C3orf18: variants seen among roughly 807,000 people sequenced by gnomAD.
C3orf18 encodes chromosome 3 open reading frame 18.
A neutral mutation model predicts 14.1 loss-of-function variants in C3orf18; 12 were observed. That is an observed-to-expected ratio of 0.85 (90% CI 0.55 to 1.38). The LOEUF is 1.38. Ranked by LOEUF, C3orf18 falls within the 40% of genes most tolerant of loss-of-function variation. The probability of loss-of-function intolerance (pLI) is 0.00; values close to 1 mark genes in which losing one functional copy is unlikely to be tolerated. For missense variants in C3orf18, 196 were observed against 213.9 expected (o/e 0.92, Z 0.52); for synonymous variants, 82 against 87.9 (o/e 0.93, Z 0.38).
In C3orf18 at chr3:50,565,786, G is replaced by T; in HGVS notation, c.-87C>A. The T allele has an allele frequency of 9.4e-7, 1 of 1,069,176 alleles. No homozygotes were observed. The highest frequency in any genetic ancestry group is 1.3e-6 in the Non-Finnish European group (1 of 743,670). The allele number at this position is 1,069,176 out of a possible 1,614,324, so 66.2% of individuals were successfully genotyped here. ...TCCTGACTCCGGAGTGCCCCAGCCT[G>T]TGGTTCCTGCCACCTGTGGTGGCCA... is the stretch of plus-strand genomic sequence containing the variant. On this transcript the variant is annotated 5_prime_UTR_variant, in exon 3 of 6. Coordinates refer to ENST00000357203, the MANE Select transcript of C3orf18 (RefSeq NM_016210.5). This position sits in a 1 kb window ranked among gnomAD's most constrained non-coding sequence, Gnocchi z 4.4.
At chr3:50,572,297 G>A, upstream of C3orf18, 2 of 1,466,290 alleles carry the variant, frequency 1.4e-6, no homozygotes, top group Non-Finnish European at 1.9e-6. Flanking sequence ...AGGGGGCACT[G>A]GGGCCCCATG....
At position 50,565,418 on chromosome 3, in the gene C3orf18, A is replaced by G. The variant is rs1700231319; in HGVS notation, c.234+48T>C. ...TGTCTTCTGATTGATTAGGTTCTCT[A>G]TAAATCTAAACACTGATTATCCTCC... On this transcript the variant is annotated intron_variant, in intron 3 of 5. Transcript: ENST00000357203. The surrounding 1 kb of genome is among the most constrained non-coding windows in gnomAD (Gnocchi z 4.4). 3 of 1,377,750 alleles carry G rather than the reference A, an allele frequency of 2.2e-6. No homozygotes were observed. Among genetic ancestry groups the G allele is most frequent in the Non-Finnish European group, 3.1e-6 (3 of 975,660 alleles). The allele number at this position is 1,377,750 out of a possible 1,614,324, so 85.3% of individuals were successfully genotyped here.
Position 50,558,538 on chromosome 3 carries a change from T to G in C3orf18, c.*1119A>C. On this transcript the variant is annotated 3_prime_UTR_variant, in exon 6 of 6. Coordinates refer to ENST00000357203, the MANE Select transcript of C3orf18 (RefSeq NM_016210.5). ...GTGGGGAATTCAAACATAGACTAAG[T>G]TTTTTAGATGTTTTTCTGAAGTGCA... 1 of 443,756 alleles carries G rather than the reference T, an allele frequency of 2.3e-6. No individual in the cohort carries two copies. Among genetic ancestry groups the G allele is most frequent in the South Asian group, 2.0e-5 (1 of 49,258 alleles). 27.5% of individuals were successfully genotyped at this position (443,756 alleles called of 1,614,324 possible).
intron 3 of C3orf18, among the ~76,000 whole-genome samples, chr3:50,564,359 C>T (rs140656458): frequency 2.4e-4 from 37 of 152,336 alleles, no homozygotes; most frequent in African/African-American, 8.4e-4. Context: ...TAGGGACTGA[C>T]ACCAGATCAA....
intron 5 of C3orf18, 38 bp from the exon 6 acceptor site, chr3:50,559,775 CAAGG>C: frequency 7.0e-7 from 1 of 1,421,924 alleles, no homozygotes; most frequent in Non-Finnish European, 9.6e-7. Context: ...AGACCATGGG[CAAGG>C]CCATGCACTC....
upstream of C3orf18, chr3:50,569,342 G>A (rs1338474688): frequency 1.4e-4 from 21 of 152,334 alleles, no homozygotes; most frequent in Admixed American, 1.3e-3. Context: ...TGCGAGCGTA[G>A]AGGGAGTGGA....
At chr3:50,571,734 T>A, upstream of C3orf18, 1 of 1,614,184 alleles carries the variant, frequency 6.2e-7, no homozygotes, top group Non-Finnish European at 8.5e-7. Context: ...GCCGGCACTT[T>A]GGACCCAGCC....
At chr3:50,564,094 C>G (rs1700147147) in intron 3 of C3orf18, among the ~76,000 whole-genome samples, 1 of 152,246 alleles carries the variant, frequency 6.6e-6, no homozygotes. Flanking sequence ...TATGGCAACC[C>G]TGGTTTAACA....
upstream of C3orf18, chr3:50,572,180 C>T (rs768223843): frequency 2.5e-6 from 4 of 1,613,848 alleles, no homozygotes. Context: ...ATGGTGCCCC[C>T]AGTGTTTATT....
upstream of C3orf18, chr3:50,571,823 C>G (rs1161429229): frequency 6.2e-7 from 1 of 1,604,328 alleles, no homozygotes; most frequent in Non-Finnish European, 8.5e-7. Flanking sequence ...TGGATCAGAC[C>G]TGAAGGATGT....
chr3:50,567,981 G>A (rs1700469172), upstream of C3orf18, among the ~76,000 whole-genome samples: 1 of 152,276 alleles, frequency 6.6e-6, no homozygotes, highest in South Asian at 2.1e-4. Context: ...ACCCCTGCCA[G>A]CTACCCGTGC....
chr3:50,560,059 G>A (rs1699872595), intron 5 of C3orf18, among the ~76,000 whole-genome samples: 1 of 152,238 alleles, frequency 6.6e-6, no homozygotes, highest in African/African-American at 2.4e-5. Flanking sequence ...AGGAACATGG[G>A]AAACAAGTAT....
In C3orf18 at chr3:50,560,956, A is replaced by G. The variant is rs1252943971; in HGVS notation, c.369T>C (p.Ser123=). The G allele has an allele frequency of 6.2e-7, 1 of 1,614,074 alleles. No individual in the cohort carries two copies. The highest frequency in any genetic ancestry group is 1.7e-5 in the Admixed American group (1 of 60,030). The change falls in exon 5 of 6, where the codon TCT becomes TCC. Residue 123 remains serine (S), a synonymous_variant. Transcript: ENST00000357203. ...ELLEHGRDAA[S]VQAATSVQAM... ...CCTGCACAGAAGTAGCAGCCTGTAC[A>G]GAGGCGGCGTCCCGCCCATGCTCCA...
At chr3:50,562,581 C>A (rs1397955570) in intron 3 of C3orf18, 2 of 455,948 alleles carry the variant, frequency 4.4e-6, no homozygotes, top group Non-Finnish European at 8.8e-6. Context: ...CATACTGACA[C>A]CCCGTCTCTA....
rs1411254985 is a variant in C3orf18 at position 50,559,072 on chromosome 3, CG to C, written c.*584del. On this transcript the variant is annotated 3_prime_UTR_variant, in exon 6 of 6. Transcript: ENST00000357203. ...TGGCTGGGAGACCTCCTGGACCCTC[CG>C]TAGTATGGATGGACCCTGGGTGTGA... The C allele has an allele frequency of 7.8e-7, 1 of 1,289,792 alleles. No homozygotes were observed. The highest frequency in any genetic ancestry group is 1.0e-6 in the Non-Finnish European group (1 of 988,858). 79.9% of individuals were successfully genotyped at this position (1,289,792 alleles called of 1,614,324 possible).
intron 3 of C3orf18, among the ~76,000 whole-genome samples, chr3:50,564,670 G>A (rs1700176810): frequency 6.6e-6 from 1 of 152,160 alleles, no homozygotes; most frequent in African/African-American, 2.4e-5. Flanking sequence ...CCTCTATTGG[G>A]TTCCAAAGGC....
At position 50,565,775 on chromosome 3, in the gene C3orf18, T is replaced by TGA; in HGVS notation, c.-77_-76insTC. On this transcript the variant is annotated 5_prime_UTR_variant, in exon 3 of 6. Coordinates refer to ENST00000357203, the MANE Select transcript of C3orf18 (RefSeq NM_016210.5). The surrounding 1 kb of genome is among the most constrained non-coding windows in gnomAD (Gnocchi z 4.4). ...TGCCCACTCACTCCTGACTCCGGAGTGCCCCAGCCTGTGGTTCCTGCCACC... is the reference window on the plus strand; with the variant it reads ...TGCCCACTCACTCCTGACTCCGGAGTGAGCCCCAGCCTGTGGTTCCTGCCACC... 1 of 1,180,712 alleles carries TGA rather than the reference T, an allele frequency of 8.5e-7. No individual in the cohort carries two copies. Among genetic ancestry groups the TGA allele is most frequent in the Non-Finnish European group, 1.2e-6 (1 of 840,324 alleles). 73.1% of individuals were successfully genotyped at this position (1,180,712 alleles called of 1,614,324 possible).
chr3:50,571,650 C>T, upstream of C3orf18: 5 of 1,474,648 alleles, frequency 3.4e-6, no homozygotes, highest in South Asian at 3.4e-5. Context: ...CCACATAAGA[C>T]ACCTGGGTTG....
At chr3:50,563,070 C>G (rs965062647) in intron 3 of C3orf18, among the ~76,000 whole-genome samples, 29 of 152,160 alleles carry the variant, frequency 1.9e-4, no homozygotes, top group Non-Finnish European at 2.9e-4. Context: ...GTGGTTTACC[C>G]CAAATCCTCC....
Sources: gnomAD v4.1 joint callset for allele counts (sites outside exome capture counted in the v4.1 genomes callset) on GRCh38, gnomAD v4.1.1 for gene constraint, Gnocchi (gnomAD v3.1) non-coding constraint, MANE v1.5 for transcripts, NCBI Gene and HGNC (gene_info 2026-07-23, HGNC 2026-07-21) for gene names.